ATP6V1B2: variants seen among roughly 807,000 people sequenced by gnomAD.
ATP6V1B2 encodes the protein V-type proton ATPase subunit B, brain isoform.
A neutral mutation model predicts 66.7 loss-of-function variants in ATP6V1B2; 23 were observed. That is an observed-to-expected ratio of 0.34 (90% CI 0.25 to 0.49). The LOEUF is 0.49. ATP6V1B2 is among the 20% of genes least tolerant of loss of function. ATP6V1B2 has a pLI of 0.99. For synonymous variants in ATP6V1B2, 278 were observed against 236.7 expected (o/e 1.17, Z -1.60); for missense variants, 478 against 650.8 (o/e 0.73, Z 2.89).
At chr8:20,217,365 T>TA (rs770591305) in intron 12 of ATP6V1B2, 41 bp downstream of exon 12, 2 of 1,525,380 alleles carry the variant, frequency 1.3e-6, no homozygotes, top group Non-Finnish European at 1.8e-6. Context: ...AAAATATGGA[T>TA]ACGTTTCTGC....
At chr8:20,217,948 T>A (rs2072871555) in intron 12 of ATP6V1B2, among the ~76,000 whole-genome samples, 1 of 152,212 alleles carries the variant, frequency 6.6e-6, no homozygotes, top group South Asian at 2.1e-4. Flanking sequence ...ATTAGGAGTG[T>A]CTTGTGTATT....
At chr8:20,218,841 G>A (rs983068170) in intron 13 of ATP6V1B2, among the ~76,000 whole-genome samples, 2 of 152,070 alleles carry the variant, frequency 1.3e-5, no homozygotes, top group South Asian at 2.1e-4. Context: ...TAGGAACACC[G>A]TTGTTGTTTA....
At chr8:20,204,663 C>T (rs2072720058) in intron 2 of ATP6V1B2, 124 bp downstream of exon 2, 1 of 764,080 alleles carries the variant, frequency 1.3e-6, no homozygotes, top group African/African-American at 1.8e-5. Flanking sequence ...GTCAGTCAGT[C>T]TAAAGCCCAG....
Position 20,204,131 on chromosome 8 carries a change from A to G in ATP6V1B2, c.137-353A>G, listed in dbSNP as rs117597841. On this transcript the variant is annotated intron_variant, in intron 1 of 13. Transcript: ENST00000276390. ...TGCTGTGCTCCCACAAACCCTGTGC[A>G]GGCCATAGTTAGAGCCCTTATCTCA... 4.6e-3 allele frequency: 1,858 copies of G among 405,428 alleles called. 8 individuals carry two copies. The highest frequency in any genetic ancestry group is 9.0e-3 in the Middle Eastern group (25 of 2,790). 25.1% of individuals were successfully genotyped at this position (405,428 alleles called of 1,614,324 possible). A position where few individuals can be genotyped will look rare whatever the true frequency, so the allele number is the denominator to read the frequency against.
chr8:20,211,331 C>A lies in ATP6V1B2; in HGVS notation c.603+15C>A, dbSNP rs17092159. The A allele has an allele frequency of 6.2e-7, 1 of 1,604,014 alleles. No individual in the cohort carries two copies. The highest frequency in any genetic ancestry group is 1.1e-5 in the South Asian group (1 of 89,556). ...CACACAATGAGGTGAGGACTGGGAT[C>A]GGTTTGCTATGAAGTTTAGCAGACA... On this transcript the variant is annotated intron_variant, in intron 6 of 13. Coordinates refer to ENST00000276390, the MANE Select transcript of ATP6V1B2 (RefSeq NM_001693.4).
At chr8:20,213,396 C>G (rs892174680) in intron 9 of ATP6V1B2, 1 of 167,206 alleles carries the variant, frequency 6.0e-6, no homozygotes, top group African/African-American at 2.4e-5. Context: ...TTCCTGTAAT[C>G]CCAGCACTTT....
At chr8:20,207,452 G>T (rs2072750486) in intron 2 of ATP6V1B2, among the ~76,000 whole-genome samples, 1 of 152,080 alleles carries the variant, frequency 6.6e-6, no homozygotes. Context: ...GGAAACATAA[G>T]TCTAATAGAA....
At position 20,211,305 on chromosome 8, in the gene ATP6V1B2, C is replaced by T. The variant is rs1253047146; in HGVS notation, c.592C>T (p.Pro198Ser). ...TCCTATCTTCTCTGCTGCTGGGCTA[C>T]CACACAATGAGGTGAGGACTGGGAT... ...KIPIFSAAGL[P>S]HNEIAAQICR... The change falls in exon 6 of 14, where the codon CCA becomes TCA. Residue 198 changes from proline to serine, a missense_variant. Physicochemically the swap from Pro to Ser is moderately conservative, Grantham distance 74 (BLOSUM62 -1). Transcript: ENST00000276390. 4 of 1,612,722 alleles carry T rather than the reference C, an allele frequency of 2.5e-6. No individual in the cohort carries two copies. The highest frequency in any genetic ancestry group is 2.2e-5 in the East Asian group (1 of 44,838).
At chr8:20,211,407 C>T (rs2072792085) in intron 6 of ATP6V1B2, 91 bp downstream of exon 6, 2 of 1,504,080 alleles carry the variant, frequency 1.3e-6, no homozygotes, top group Admixed American at 4.7e-5. Flanking sequence ...AAAGGGTTTT[C>T]AAAATAAATA....
chr8:20,215,211 G>C, intron 10 of ATP6V1B2: 2 of 350,772 alleles, frequency 5.7e-6, no homozygotes, highest in Non-Finnish European at 1.0e-5. Context: ...AGTGCCTGCT[G>C]TTTGCAGGAC....
Position 20,209,474 on chromosome 8 carries a change from T to A in ATP6V1B2, c.234T>A (p.Asp78Glu). 6.2e-7 allele frequency: 1 copy of A among 1,614,074 alleles called. No homozygotes were observed. The highest frequency in any genetic ancestry group is 8.5e-7 in the Non-Finnish European group (1 of 1,179,978). Residue 78 changes from aspartate (D) to glutamate (E), a missense_variant, in exon 3 of 14, where the codon GAT (aspartate) becomes GAA (glutamate). Around this residue, in one of 2 missense-constraint regions of ATP6V1B2, gnomAD observed 152 missense variants for 105.2 expected, o/e 1.44. Coordinates refer to ENST00000276390, the MANE Select transcript of ATP6V1B2 (RefSeq NM_001693.4). ...YAEIVHLTLP[D>E]GTKRSGQVLE... ...AAATTGTCCATTTGACCTTACCGGA[T>A]GGCACAAAGAGAAGTGGGCAAGTTC...
chr8:20,215,513 T>C (rs959778653), intron 10 of ATP6V1B2: 1 of 152,258 alleles, frequency 6.6e-6, no homozygotes, highest in African/African-American at 2.4e-5. Flanking sequence ...CTTATTTCAG[T>C]TTTTGAACAA....
At chr8:20,218,028 A>AT (rs1215423933) in intron 12 of ATP6V1B2, 125 bp from the exon 13 acceptor site, 2 of 1,291,606 alleles carry the variant, frequency 1.5e-6, no homozygotes, top group Non-Finnish European at 1.0e-6. Flanking sequence ...TTTTATGTGA[A>AT]TTGTTTTTGT....
At chr8:20,200,236 T>C (rs889195361) in intron 1 of ATP6V1B2, among the ~76,000 whole-genome samples, 1 of 151,680 alleles carries the variant, frequency 6.6e-6, no homozygotes, top group Admixed American at 6.6e-5. Context: ...CAGGCTGGTC[T>C]ACAACTCCTG....
chr8:20,198,598 C>G (rs1183093387), intron 1 of ATP6V1B2, among the ~76,000 whole-genome samples: 2 of 152,082 alleles, frequency 1.3e-5, no homozygotes, highest in African/African-American at 4.8e-5. Flanking sequence ...TGATGTTTCC[C>G]CAGGTGGTGA....
chr8:20,205,032 T>C (rs1396700204), intron 2 of ATP6V1B2, among the ~76,000 whole-genome samples: 3 of 152,200 alleles, frequency 2.0e-5, no homozygotes, highest in African/African-American at 7.2e-5. Flanking sequence ...TGAGTTTACC[T>C]CCTGACTGCA....
At chr8:20,218,087 T>C (rs2072872672) in intron 12 of ATP6V1B2, 66 bp from the exon 13 acceptor site, 2 of 1,582,282 alleles carry the variant, frequency 1.3e-6, no homozygotes. Context: ...AGTACATTCC[T>C]ATATCCCAGA....
intron 9 of ATP6V1B2, chr8:20,213,537 A>C (rs1251389475): frequency 1.3e-5 from 2 of 152,982 alleles, no homozygotes; most frequent in South Asian, 4.1e-4. Context: ...TTGTAATCCT[A>C]GTTGCTCAGG....
In ATP6V1B2 at chr8:20,220,651, A is replaced by G; in HGVS notation, c.*249A>G. The G allele has an allele frequency of 2.3e-6, 1 of 434,698 alleles. No individual in the cohort carries two copies. The highest frequency in any genetic ancestry group is 4.1e-5 in the South Asian group (1 of 24,150). 26.9% of individuals were successfully genotyped at this position (434,698 alleles called of 1,614,324 possible). On this transcript the variant is annotated 3_prime_UTR_variant, in exon 14 of 14. Coordinates refer to ENST00000276390, the MANE Select transcript of ATP6V1B2 (RefSeq NM_001693.4). ...TGCAGGGATGGAGTGGCGTTTTCTT[A>G]TTGCTGTATGTATTGTACATAGTGG...
Sources: allele counts gnomAD v4.1 joint callset (sites outside exome capture counted in the v4.1 genomes callset), GRCh38; gene constraint gnomAD v4.1.1; regional missense constraint gnomAD v4.1.1; transcripts MANE v1.5; gene names NCBI Gene and HGNC (gene_info 2026-07-23, HGNC 2026-07-21).